SAMMSON: variants seen among roughly 807,000 people sequenced by gnomAD.
SAMMSON encodes the protein long intergenic non-protein coding RNA 1212.
chr3:70,127,468 C>T (rs763150543), intron 4 of SAMMSON, among the ~76,000 whole-genome samples: 9 of 152,092 alleles, frequency 5.9e-5, no homozygotes, highest in Admixed American at 6.5e-5. Context: ...CTAGGCAGAC[C>T]AGGGAAGTTG....
chr3:70,307,908 G>A (rs901975504), intron 7 of SAMMSON, among the ~76,000 whole-genome samples: 1 of 152,148 alleles, frequency 6.6e-6, no homozygotes, highest in Non-Finnish European at 1.5e-5. Context: ...ACTGAAATAG[G>A]CATCTTCCAG....
Position 70,130,909 on chromosome 3 carries a change from T to A in SAMMSON, n.507+59344T>A, listed in dbSNP as rs185143395. Among the ~76,000 whole-genome samples the A allele has an allele frequency of 2.0e-5, 3 of 152,296 alleles. No individual in the cohort carries two copies. The East Asian group carries it at 5.8e-4, about 29-fold the overall frequency. On this transcript the variant is annotated intron_variant and non_coding_transcript_variant, in intron 4 of 9. Transcript: ENST00000642114. ...CTGTGCTCTGTCCAAGTTCCTGACC[T>A]GCAGAATCTATGAGTACAATAACTG...
intron 7 of SAMMSON, among the ~76,000 whole-genome samples, chr3:70,293,890 A>G (rs1702265202): frequency 6.6e-6 from 1 of 151,916 alleles, no homozygotes; most frequent in Admixed American, 6.6e-5. Flanking sequence ...TTTGTGTTAC[A>G]TGTTGAAGCC....
chr3:70,387,612 T>G (rs965521132), intron 9 of SAMMSON, among the ~76,000 whole-genome samples: 3 of 152,112 alleles, frequency 2.0e-5, no homozygotes, highest in Non-Finnish European at 4.4e-5. Flanking sequence ...ATACCATACT[T>G]GGGGAAAATG....
intron 4 of SAMMSON, among the ~76,000 whole-genome samples, chr3:70,167,220 T>C (rs1328804581): frequency 6.6e-6 from 1 of 151,936 alleles, no homozygotes; most frequent in Non-Finnish European, 1.5e-5. Context: ...TATTGGAGAG[T>C]GAAGTTCTAT....
At chr3:70,173,040 G>A (rs1329453206) in intron 4 of SAMMSON, 1 of 151,866 alleles carries the variant, frequency 6.6e-6, no homozygotes, top group African/African-American at 2.4e-5. Context: ...TACTGAGGAT[G>A]TTGAAACCAT....
At chr3:70,003,797 A>C (rs2066915393) in intron 1 of SAMMSON, among the ~76,000 whole-genome samples, 1 of 151,824 alleles carries the variant, frequency 6.6e-6, no homozygotes. Context: ...AATACTTTTT[A>C]ATATATTTTT....
intron 4 of SAMMSON, among the ~76,000 whole-genome samples, chr3:70,232,582 T>C (rs558480890): frequency 3.9e-4 from 60 of 152,026 alleles, no homozygotes; most frequent in African/African-American, 1.4e-3. Context: ...GTATTTTTGA[T>C]AGAGACGGGG....
intron 8 of SAMMSON, among the ~76,000 whole-genome samples, chr3:70,356,214 T>C (rs1702828318): frequency 6.6e-6 from 1 of 152,140 alleles, no homozygotes; most frequent in Non-Finnish European, 1.5e-5. Context: ...TGGCTTTTTA[T>C]AGATTATAAA....
At chr3:70,363,936 A>G (rs956265360) in intron 9 of SAMMSON, among the ~76,000 whole-genome samples, 4 of 151,760 alleles carry the variant, frequency 2.6e-5, no homozygotes, top group East Asian at 3.9e-4. Flanking sequence ...AGCTGCAGAT[A>G]TATTTCTAGC....
intron 6 of SAMMSON, among the ~76,000 whole-genome samples, chr3:70,267,652 G>T (rs1463990756): frequency 3.4e-5 from 5 of 147,052 alleles, no homozygotes; most frequent in Non-Finnish European, 5.9e-5. Flanking sequence ...TCCTGACCTC[G>T]AGGTCCGCCT....
chr3:70,431,492 A>C (rs1434842010), intron 2 of SAMMSON, among the ~76,000 whole-genome samples: 2 of 152,142 alleles, frequency 1.3e-5, no homozygotes, highest in East Asian at 3.9e-4. Flanking sequence ...ATAATAAAAT[A>C]TTTTAATCTG....
intron 4 of SAMMSON, among the ~76,000 whole-genome samples, chr3:70,235,299 A>T (rs1214374205): frequency 6.6e-6 from 1 of 152,034 alleles, no homozygotes; most frequent in South Asian, 2.1e-4. Flanking sequence ...TGTACTAGAG[A>T]CTATAAATCC....
chr3:70,144,380 T>A (rs935559474), intron 4 of SAMMSON, among the ~76,000 whole-genome samples: 4 of 152,058 alleles, frequency 2.6e-5, no homozygotes, highest in Non-Finnish European at 5.9e-5. Context: ...GGTGTGTATA[T>A]ACAAGGTCTA....
chr3:70,173,415 A>G (rs1700978357), intron 4 of SAMMSON, among the ~76,000 whole-genome samples: 1 of 151,960 alleles, frequency 6.6e-6, no homozygotes, highest in Non-Finnish European at 1.5e-5. Flanking sequence ...ATTTCAAATA[A>G]TGATATAAAA....
chr3:70,351,511 C>T (rs1326589536), intron 7 of SAMMSON, among the ~76,000 whole-genome samples: 1 of 151,984 alleles, frequency 6.6e-6, no homozygotes, highest in African/African-American at 2.4e-5. Flanking sequence ...CAGCTAAACC[C>T]TCTAAATATT....
At chr3:70,059,008 A>G (rs2067177952) in intron 3 of SAMMSON, among the ~76,000 whole-genome samples, 1 of 152,102 alleles carries the variant, frequency 6.6e-6, no homozygotes, top group Non-Finnish European at 1.5e-5. Context: ...CAGGGAGGCT[A>G]GTTGACCTGT....
At chr3:70,240,167 A>G (rs1444726355) in intron 4 of SAMMSON, among the ~76,000 whole-genome samples, 1 of 152,112 alleles carries the variant, frequency 6.6e-6, no homozygotes, top group East Asian at 1.9e-4. Flanking sequence ...AAAGTGTAAA[A>G]TGGCCATTTT....
chr3:70,001,650 G>C (rs1353418928), intron 1 of SAMMSON, among the ~76,000 whole-genome samples: 2 of 151,948 alleles, frequency 1.3e-5, no homozygotes, highest in African/African-American at 4.8e-5. Flanking sequence ...ATTTTATTTT[G>C]GGGGGGAATC....
Sources: gnomAD v4.1 joint callset for allele counts (sites outside exome capture counted in the v4.1 genomes callset) on GRCh38, gnomAD v4.1.1 for gene constraint, MANE v1.5 for transcripts, NCBI Gene and HGNC (gene_info 2026-07-23, HGNC 2026-07-21) for gene names.